The following XYLT1 variants were observed in gnomAD, a reference collection of about 807,000 sequenced individuals.
XYLT1 encodes beta-D-xylosyltransferase 1.
A neutral mutation model predicts 91.3 loss-of-function variants in XYLT1; 36 were observed. The ratio of observed to expected loss-of-function variants is 0.39; its 90% CI spans 0.30 to 0.52. XYLT1 has a LOEUF of 0.52. XYLT1 is among the 20% of genes least tolerant of loss of function. XYLT1 has a pLI of 0.68. For missense variants in XYLT1, 1,242 were observed against 1,284.5 expected (o/e 0.97, Z 0.51); for synonymous variants, 588 against 532.0 (o/e 1.11, Z -1.45).
intron 3 of XYLT1, among the ~76,000 whole-genome samples, chr16:17,229,742 T>C (rs2033130698): frequency 6.6e-6 from 1 of 152,178 alleles, no homozygotes; most frequent in African/African-American, 2.4e-5. Context: ...TTTAAAATGG[T>C]TACAAATTCA....
intron 6 of XYLT1, among the ~76,000 whole-genome samples, chr16:17,154,161 C>T (rs1364792800): frequency 1.3e-5 from 2 of 152,226 alleles, no homozygotes; most frequent in Non-Finnish European, 2.9e-5. Context: ...TCCCCAATAC[C>T]ATGATCATTA....
chr16:17,390,606 C>T (rs114716192), intron 1 of XYLT1, among the ~76,000 whole-genome samples: 151 of 152,320 alleles, frequency 9.9e-4, no homozygotes, highest in African/African-American at 3.5e-3. Context: ...ACCTCCAAAC[C>T]GCTCATGATC....
chr16:17,349,388 T>C (rs901809560), intron 2 of XYLT1, among the ~76,000 whole-genome samples: 1 of 152,176 alleles, frequency 6.6e-6, no homozygotes, highest in Non-Finnish European at 1.5e-5. Context: ...TTGATATCTC[T>C]ACCTATCTTG....
At chr16:17,233,746 T>C (rs2033202865) in intron 3 of XYLT1, among the ~76,000 whole-genome samples, 1 of 152,216 alleles carries the variant, frequency 6.6e-6, no homozygotes, top group South Asian at 2.1e-4. Flanking sequence ...CAAGGGAGCC[T>C]GGGGCTTTAC....
chr16:17,397,954 C>A (rs2035911208), intron 1 of XYLT1, among the ~76,000 whole-genome samples: 1 of 151,338 alleles, frequency 6.6e-6, no homozygotes, highest in Admixed American at 6.6e-5. Flanking sequence ...TCCTGAGTAG[C>A]TGGGATTACA....
At position 17,278,396 on chromosome 16, in the gene XYLT1, A is replaced by G. The variant is rs532360889; in HGVS notation, c.403-18898T>C. On this transcript the variant is annotated intron_variant, in intron 2 of 11. Transcript: ENST00000261381. ...GGACAGTCAGGACGCATCTCCGAGA[A>G]GTTCTTCTTCATTGCCGCAGGTGGG... Among the ~76,000 whole-genome samples the G allele has an allele frequency of 1.8e-4, 27 of 152,218 alleles. No individual in the cohort carries two copies. In the South Asian group the frequency reaches 5.4e-3, roughly 31 times the overall value.
chr16:17,215,548 C>G (rs1450393537), intron 3 of XYLT1, among the ~76,000 whole-genome samples: 1 of 152,074 alleles, frequency 6.6e-6, no homozygotes, highest in African/African-American at 2.4e-5. Flanking sequence ...TTCATAGCTT[C>G]CAAAATGGAG....
chr16:17,177,151 C>T (rs542942630), intron 5 of XYLT1, among the ~76,000 whole-genome samples: 40 of 152,222 alleles, frequency 2.6e-4, no homozygotes, highest in Non-Finnish European at 5.0e-4. Context: ...CAATGTTCAC[C>T]GCCCCCTTTT....
intron 5 of XYLT1, among the ~76,000 whole-genome samples, chr16:17,188,209 T>C (rs2032230129): frequency 6.6e-6 from 1 of 152,114 alleles, no homozygotes; most frequent in Non-Finnish European, 1.5e-5. Context: ...GCTTGTGATC[T>C]GGCCTCCCCA....
chr16:17,180,390 A>C (rs774383484), intron 5 of XYLT1, among the ~76,000 whole-genome samples: 2 of 152,184 alleles, frequency 1.3e-5, no homozygotes, highest in African/African-American at 2.4e-5. Flanking sequence ...CTCTGTAATC[A>C]AAAATTGCTT....
chr16:17,304,330 G>C (rs2034441475), intron 2 of XYLT1, among the ~76,000 whole-genome samples: 1 of 152,162 alleles, frequency 6.6e-6, no homozygotes. Context: ...GTAAGGGCAG[G>C]TGCAAAGATG....
intron 2 of XYLT1, among the ~76,000 whole-genome samples, chr16:17,343,737 G>T (rs2035099897): frequency 6.6e-6 from 1 of 152,130 alleles, no homozygotes; most frequent in Non-Finnish European, 1.5e-5. Flanking sequence ...CCAAAGTGTT[G>T]GCATTACAGG....
chr16:17,332,863 C>T (rs62030294), intron 2 of XYLT1, among the ~76,000 whole-genome samples: 12,465 of 151,996 alleles, frequency 0.082, 527 homozygotes, highest in Non-Finnish European at 0.1. Context: ...GCAGGAGCTC[C>T]GAATTCTGCA....
chr16:17,151,459 G>T (rs1257687152), intron 6 of XYLT1, among the ~76,000 whole-genome samples: 2 of 152,082 alleles, frequency 1.3e-5, no homozygotes, highest in African/African-American at 4.8e-5. Flanking sequence ...GAGTCACTCT[G>T]CTTGGCTTCA....
chr16:17,161,675 GCGCTCTCTCT>G (rs1567302260), intron 5 of XYLT1, among the ~76,000 whole-genome samples: 1 of 94,476 alleles, frequency 1.1e-5, no homozygotes, highest in South Asian at 2.8e-4. Flanking sequence ...AGTTTCTCGC[GCGCTCTCTCT>G]CTCTCTCTCT....
At chr16:17,192,723 A>G (rs888011736) in intron 5 of XYLT1, 3 of 152,026 alleles carry the variant, frequency 2.0e-5, no homozygotes, top group African/African-American at 7.3e-5. Context: ...TGCCAAGTTC[A>G]GGAATATTCT....
intron 3 of XYLT1, among the ~76,000 whole-genome samples, chr16:17,219,019 T>G (rs990323819): frequency 6.6e-6 from 1 of 152,132 alleles, no homozygotes; most frequent in Non-Finnish European, 1.5e-5. Context: ...TGGTGGCTCA[T>G]GCCTGTAATC....
intron 3 of XYLT1, among the ~76,000 whole-genome samples, chr16:17,238,500 C>T (rs934290628): frequency 6.6e-6 from 1 of 152,278 alleles, no homozygotes. Context: ...AATGAATGGG[C>T]GTGGTAGTGT....
chr16:17,203,450 A>G (rs1480408077), intron 3 of XYLT1, among the ~76,000 whole-genome samples: 1 of 151,948 alleles, frequency 6.6e-6, no homozygotes, highest in Non-Finnish European at 1.5e-5. Flanking sequence ...TTATTTGTCC[A>G]TCCAAATCCA....
Sources: gnomAD v4.1 joint callset for allele counts (sites outside exome capture counted in the v4.1 genomes callset) on GRCh38, gnomAD v4.1.1 for gene constraint, MANE v1.5 for transcripts, NCBI Gene and HGNC (gene_info 2026-07-23, HGNC 2026-07-21) for gene names.